The following KCNIP4 variants were observed in gnomAD, a reference collection of about 807,000 sequenced individuals.
The protein encoded by KCNIP4 is Kv channel-interacting protein 4.
KCNIP4 carries 12 observed loss-of-function variants against 34.0 expected under a neutral mutation model. The ratio of observed to expected loss-of-function variants is 0.35; its 90% CI spans 0.23 to 0.57. The LOEUF (loss-of-function observed/expected upper bound fraction) is 0.57, where lower values mean the gene tolerates loss of function less well. Ranked by LOEUF, KCNIP4 falls within the 20% of genes least tolerant of loss-of-function variation. KCNIP4 has a pLI of 0.83. For synonymous variants in KCNIP4, 124 were observed against 102.2 expected (o/e 1.21, Z -1.29); for missense variants, 238 against 311.7 (o/e 0.76, Z 1.78).
chr4:21,386,930 T>C (rs1722085031), intron 1 of KCNIP4, among the ~76,000 whole-genome samples: 1 of 152,142 alleles, frequency 6.6e-6, no homozygotes, highest in South Asian at 2.1e-4. Flanking sequence ...ATACTATCCT[T>C]CCTCCTGCAC....
intron 1 of KCNIP4, among the ~76,000 whole-genome samples, chr4:21,773,754 T>TTG (rs66965378): frequency 0.088 from 12,638 of 143,700 alleles, 2,074 homozygotes; most frequent in African/African-American, 0.35. Flanking sequence ...TGTTTTTTTT[T>TTG]TTTTGTTTGT....
intron 1 of KCNIP4, among the ~76,000 whole-genome samples, chr4:21,902,770 T>C (rs374085591): frequency 2.6e-5 from 4 of 152,080 alleles, no homozygotes; most frequent in Non-Finnish European, 4.4e-5. Flanking sequence ...GACAGAAATA[T>C]ATGGTTGAGG....
intron 1 of KCNIP4, among the ~76,000 whole-genome samples, chr4:21,758,922 T>C (rs921782449): frequency 6.6e-6 from 1 of 151,606 alleles, no homozygotes; most frequent in African/African-American, 2.4e-5. Flanking sequence ...AAGATAAGGA[T>C]AATAATAACA....
chr4:21,328,280 G>A (rs1237871058), intron 1 of KCNIP4, among the ~76,000 whole-genome samples: 1 of 152,130 alleles, frequency 6.6e-6, no homozygotes, highest in Admixed American at 6.6e-5. Context: ...GCATTAGAGG[G>A]CATCCCAAGT....
intron 1 of KCNIP4, among the ~76,000 whole-genome samples, chr4:21,475,832 A>T (rs938405322): frequency 2.6e-5 from 4 of 152,198 alleles, no homozygotes; most frequent in Non-Finnish European, 5.9e-5. Flanking sequence ...ATTCTGGATG[A>T]TGCAAAATCT....
At chr4:20,819,174 T>C (rs1329450798) in intron 3 of KCNIP4, among the ~76,000 whole-genome samples, 5 of 152,122 alleles carry the variant, frequency 3.3e-5, no homozygotes, top group Non-Finnish European at 7.3e-5. Context: ...GTTATCTCAC[T>C]TAATCCTCAC....
At chr4:21,317,366 C>G (rs894384918) in intron 1 of KCNIP4, among the ~76,000 whole-genome samples, 4 of 151,864 alleles carry the variant, frequency 2.6e-5, no homozygotes, top group Non-Finnish European at 4.4e-5. Flanking sequence ...ATTCTGTGTC[C>G]AAAAACACCT....
chr4:21,692,826 C>CTTTTT (rs1711804170), intron 1 of KCNIP4, among the ~76,000 whole-genome samples: 9 of 114,960 alleles, frequency 7.8e-5, no homozygotes, highest in African/African-American at 3.3e-4. Flanking sequence ...AAAATCCTGT[C>CTTTTT]ATTTTTTTTT....
intron 1 of KCNIP4, among the ~76,000 whole-genome samples, chr4:20,926,806 A>C (rs142480005): frequency 1.9e-3 from 296 of 152,280 alleles, no homozygotes; most frequent in African/African-American, 6.8e-3. Context: ...TCTTGTTACT[A>C]TATGGTATTT....
intron 1 of KCNIP4, among the ~76,000 whole-genome samples, chr4:20,989,145 A>G (rs1288034547): frequency 6.6e-6 from 1 of 152,180 alleles, no homozygotes; most frequent in Non-Finnish European, 1.5e-5. Context: ...TCACATGTAT[A>G]TGTGCTCTGC....
intron 1 of KCNIP4, among the ~76,000 whole-genome samples, chr4:21,722,584 A>G (rs1577903016): frequency 6.6e-6 from 1 of 152,278 alleles, no homozygotes; most frequent in East Asian, 1.9e-4. Flanking sequence ...GATTTAATTC[A>G]ACACGTCATT....
chr4:20,967,318 T>C (rs977290843), intron 1 of KCNIP4, among the ~76,000 whole-genome samples: 2 of 152,248 alleles, frequency 1.3e-5, no homozygotes, highest in African/African-American at 4.8e-5. Flanking sequence ...TGCTCATGGA[T>C]AGGAAGAATC....
intron 1 of KCNIP4, among the ~76,000 whole-genome samples, chr4:20,960,985 G>A (rs1246349792): frequency 6.6e-6 from 1 of 152,102 alleles, no homozygotes; most frequent in Non-Finnish European, 1.5e-5. Flanking sequence ...GCACTTTGGT[G>A]TAATTTACTT....
intron 1 of KCNIP4, among the ~76,000 whole-genome samples, chr4:21,688,999 T>C (rs886099336): frequency 6.6e-6 from 1 of 152,130 alleles, no homozygotes; most frequent in African/African-American, 2.4e-5. Context: ...TTTTGAAATC[T>C]TAGCATATGT....
At chr4:21,522,867 A>G (rs1735658604) in intron 1 of KCNIP4, among the ~76,000 whole-genome samples, 1 of 152,106 alleles carries the variant, frequency 6.6e-6, no homozygotes, top group Non-Finnish European at 1.5e-5. Context: ...TAAAAAATAT[A>G]TATATTTGCT....
intron 1 of KCNIP4, among the ~76,000 whole-genome samples, chr4:21,519,781 G>GTGTA (rs1474649626): frequency 7.4e-6 from 1 of 135,680 alleles, no homozygotes; most frequent in Non-Finnish European, 1.5e-5. Flanking sequence ...ACACACGTGT[G>GTGTA]TGTATGTGTG....
intron 1 of KCNIP4, among the ~76,000 whole-genome samples, chr4:21,528,459 G>A (rs1736167240): frequency 6.6e-6 from 1 of 151,752 alleles, no homozygotes; most frequent in Non-Finnish European, 1.5e-5. Flanking sequence ...ACGAGGTCAG[G>A]AGTTTGAGAG....
intron 1 of KCNIP4, among the ~76,000 whole-genome samples, chr4:21,576,165 G>C (rs1392293340): frequency 6.6e-6 from 1 of 152,126 alleles, no homozygotes; most frequent in East Asian, 1.9e-4. Flanking sequence ...CTCAACATTT[G>C]TTTCTGCCCA....
At chr4:21,711,423 A>C (rs1375137321) in intron 1 of KCNIP4, among the ~76,000 whole-genome samples, 2 of 152,200 alleles carry the variant, frequency 1.3e-5, no homozygotes. Context: ...AGTGAACTGC[A>C]GTGAACCAAG....
Sources: gnomAD v4.1 joint callset for allele counts (sites outside exome capture counted in the v4.1 genomes callset) on GRCh38, gnomAD v4.1.1 for gene constraint, MANE v1.5 for transcripts, NCBI Gene and HGNC (gene_info 2026-07-23, HGNC 2026-07-21) for gene names.